PDILT: variants seen among roughly 807,000 people sequenced by gnomAD.
PDILT encodes the protein protein disulfide isomerase like, testis expressed.
In PDILT, 43 loss-of-function variants were observed where a neutral mutation model predicts 53.7. The ratio of observed to expected loss-of-function variants is 0.80; its 90% CI spans 0.63 to 1.03. The LOEUF (loss-of-function observed/expected upper bound fraction) is 1.03. PDILT is among the 50% of genes least tolerant of loss of function. The pLI is 0.00. For missense variants in PDILT, 727 were observed against 712.3 expected, an observed-to-expected ratio of 1.02 and a Z score of -0.24; for synonymous variants, 282 against 274.2, an observed-to-expected ratio of 1.03 and a Z score of -0.28.
At chr16:20,389,351 C>T (rs994857662) in intron 2 of PDILT, among the ~76,000 whole-genome samples, 9 of 152,150 alleles carry the variant, frequency 5.9e-5, no homozygotes, top group African/African-American at 1.4e-4. Flanking sequence ...ATAGATCCTA[C>T]GTCTCAGAGT....
chr16:20,369,268 T>C (rs1253358751), intron 8 of PDILT, among the ~76,000 whole-genome samples: 1 of 152,202 alleles, frequency 6.6e-6, no homozygotes, highest in African/African-American at 2.4e-5. Context: ...AGGAAATGCC[T>C]CCACTTTACA....
rs576480202 is a variant in PDILT at position 20,391,206 on chromosome 16, GTCA to G, written c.203-6358_203-6356del. ...GATCACCAGTACCATCATCACCATT[GTCA>G]TCATCATCATAATCGTCATCACCAG... On this transcript the variant is annotated intron_variant, in intron 2 of 11. Coordinates refer to ENST00000302451, the MANE Select transcript of PDILT (RefSeq NM_174924.2). The G allele has an allele frequency of 1.4e-3, 226 of 162,410 alleles. 2 individuals are homozygous for G. Among genetic ancestry groups the G allele is most frequent in the East Asian group, 0.012 (65 of 5,222 alleles). 10.1% of individuals were successfully genotyped at this position (162,410 alleles called of 1,614,324 possible).
intron 1 of PDILT, among the ~76,000 whole-genome samples, chr16:20,402,872 C>G (rs745877618): frequency 6.6e-6 from 1 of 152,178 alleles, no homozygotes; most frequent in South Asian, 2.1e-4. Flanking sequence ...CCCTGACCTG[C>G]CCCTTTATTC....
chr16:20,378,481 T>C (rs954060665), intron 3 of PDILT, among the ~76,000 whole-genome samples: 3 of 152,184 alleles, frequency 2.0e-5, no homozygotes, highest in Admixed American at 2.0e-4. Context: ...CTGGGATACA[T>C]GTGTAGAACA....
At chr16:20,383,266 C>T (rs1210545989) in intron 3 of PDILT, among the ~76,000 whole-genome samples, 1 of 152,150 alleles carries the variant, frequency 6.6e-6, no homozygotes, top group Admixed American at 6.5e-5. Flanking sequence ...CTGGGCCACT[C>T]CATTAGCAGT....
intron 2 of PDILT, among the ~76,000 whole-genome samples, chr16:20,387,463 A>G (rs1382178113): frequency 6.6e-6 from 1 of 152,156 alleles, no homozygotes; most frequent in Non-Finnish European, 1.5e-5. Flanking sequence ...CAAGAAGTCC[A>G]TTGGGTCTGG....
chr16:20,380,300 T>A (rs1004328497), intron 3 of PDILT, among the ~76,000 whole-genome samples: 2 of 152,150 alleles, frequency 1.3e-5, no homozygotes, highest in African/African-American at 4.8e-5. Context: ...CTCTCTGTCT[T>A]ATGACCTGTT....
Position 20,399,275 on chromosome 16 carries a change from A to C in PDILT, c.26T>G (p.Leu9Arg). The change falls in exon 2 of 12, where the codon CTG (leucine) becomes CGG (arginine). Residue 9 changes from leucine to arginine, a missense_variant. Coordinates refer to ENST00000302451, the MANE Select transcript of PDILT (RefSeq NM_174924.2). MDLLWMPL[L>R]LVAACVSAVH... ...AGCAGAGACACAAGCGGCCACCAGC[A>C]GCAGGGGCATCCAGAGTAGGTCCAT... 1 of 1,614,066 alleles carries C rather than the reference A, an allele frequency of 6.2e-7. No individual in the cohort carries two copies. Among genetic ancestry groups the C allele is most frequent in the Non-Finnish European group, 8.5e-7 (1 of 1,179,918 alleles).
intron 5 of PDILT, 123 bp downstream of exon 5, chr16:20,374,699 A>G (rs1966357494): frequency 8.9e-7 from 1 of 1,119,004 alleles, no homozygotes; most frequent in African/African-American, 1.6e-5. Flanking sequence ...GACTTCACAG[A>G]AGTCAACTAG....
At chr16:20,384,263 A>G (rs1966500250) in intron 3 of PDILT, among the ~76,000 whole-genome samples, 1 of 152,212 alleles carries the variant, frequency 6.6e-6, no homozygotes, top group African/African-American at 2.4e-5. Flanking sequence ...AAGCTGTAGT[A>G]GAAGCAGCCA....
In PDILT at chr16:20,359,998, A is replaced by T. The variant is rs539220053; in HGVS notation, c.1507-431T>A. 2.0e-5 allele frequency among the ~76,000 whole-genome samples: 3 copies of T among 152,338 alleles called. No individual in the cohort carries two copies. The South Asian group carries it at 6.2e-4, about 32-fold the overall frequency. On this transcript the variant is annotated intron_variant, in intron 11 of 11. Coordinates refer to ENST00000302451, the MANE Select transcript of PDILT (RefSeq NM_174924.2). The stretch of plus-strand genomic sequence containing the variant: ...GTAATCTTTGAACTTCTGTGGGGAA[A>T]TGACTACTTGAGAATGAAACCAACA...
At chr16:20,398,952 T>G (rs1015691233) in intron 2 of PDILT, 147 bp downstream of exon 2, 73 of 859,366 alleles carry the variant, frequency 8.5e-5, no homozygotes, top group Non-Finnish European at 1.2e-4. Context: ...AGATTGGAGA[T>G]GATGCTGTCT....
intron 2 of PDILT, among the ~76,000 whole-genome samples, chr16:20,395,111 C>T (rs142994092): frequency 1.7e-4 from 26 of 152,240 alleles, no homozygotes; most frequent in African/African-American, 6.3e-4. Flanking sequence ...ATGTAAAGAA[C>T]TAATAAGATG....
intron 2 of PDILT, among the ~76,000 whole-genome samples, chr16:20,392,501 T>C (rs535374412): frequency 2.0e-4 from 31 of 151,874 alleles, no homozygotes; most frequent in Non-Finnish European, 3.7e-4. Flanking sequence ...ATAATCTCTT[T>C]TGCAAAGAGC....
At chr16:20,359,595 G>A (rs780746812) in intron 11 of PDILT, 28 bp from the exon 12 acceptor site, 1 of 1,589,494 alleles carries the variant, frequency 6.3e-7, no homozygotes, top group African/African-American at 1.3e-5. Flanking sequence ...GAAGGAAGAA[G>A]GGAGGGAGGG....
chr16:20,403,368 C>T (rs999009162), intron 1 of PDILT, among the ~76,000 whole-genome samples: 2 of 152,176 alleles, frequency 1.3e-5, no homozygotes, highest in Non-Finnish European at 1.5e-5. Context: ...TGGCTCACTG[C>T]AGCCTCCGCC....
chr16:20,363,302 C>A (rs1567318602), intron 9 of PDILT, among the ~76,000 whole-genome samples: 2 of 152,172 alleles, frequency 1.3e-5, no homozygotes, highest in Non-Finnish European at 2.9e-5. Context: ...TCCTGATTTG[C>A]TGGGACTACA....
intron 3 of PDILT, among the ~76,000 whole-genome samples, chr16:20,381,069 G>C (rs73543356): frequency 2.6e-5 from 4 of 152,160 alleles, no homozygotes; most frequent in Non-Finnish European, 4.4e-5. Flanking sequence ...TCCAGGCACA[G>C]ACTGTGGCTG....
intron 2 of PDILT, among the ~76,000 whole-genome samples, chr16:20,386,579 A>G (rs998042243): frequency 1.3e-5 from 2 of 152,164 alleles, no homozygotes; most frequent in African/African-American, 2.4e-5. Context: ...TGCTCCTGCA[A>G]TGGGATCGGA....
Sources: allele counts gnomAD v4.1 joint callset (sites outside exome capture counted in the v4.1 genomes callset), GRCh38; gene constraint gnomAD v4.1.1; transcripts MANE v1.5; gene names NCBI Gene and HGNC (gene_info 2026-07-23, HGNC 2026-07-21).